The following XKR9 variants were observed in gnomAD, a reference collection of about 807,000 sequenced individuals.
The protein encoded by XKR9 is XK-related protein 9.
Under a neutral mutation model 32.0 loss-of-function variants are expected in XKR9, and 32 were observed. The ratio of observed to expected loss-of-function variants is 1.00; its 90% CI spans 0.76 to 1.34. The LOEUF (loss-of-function observed/expected upper bound fraction) is 1.34, where lower values mean the gene tolerates loss of function less well. XKR9 is among the 40% of genes most tolerant of loss of function. The pLI is 0.00. For synonymous variants in XKR9, 168 were observed against 143.4 expected, an observed-to-expected ratio of 1.17 and a Z score of -1.22; for missense variants, 546 against 429.7, an observed-to-expected ratio of 1.27 and a Z score of -2.39.
At chr8:70,902,630 T>A in the XKR9 span, among the ~76,000 whole-genome samples, 2 of 152,202 alleles carry the variant, frequency 1.3e-5, no homozygotes, top group South Asian at 2.1e-4. Flanking sequence ...TTTGTTTCTT[T>A]CTACTGCCTG....
chr8:70,973,476 T>G, the XKR9 span, among the ~76,000 whole-genome samples: 55 of 152,280 alleles, frequency 3.6e-4, no homozygotes, highest in African/African-American at 1.3e-3. Flanking sequence ...CTGTGATCTT[T>G]GTTATTTTTT....
chr8:70,888,995 T>G, the XKR9 span, among the ~76,000 whole-genome samples: 11 of 152,104 alleles, frequency 7.2e-5, no homozygotes, highest in East Asian at 1.9e-3. Flanking sequence ...ATAATGTTAT[T>G]GGTATTTGCA....
the XKR9 span, among the ~76,000 whole-genome samples, chr8:71,025,257 A>G: frequency 6.6e-6 from 1 of 152,160 alleles, no homozygotes; most frequent in African/African-American, 2.4e-5. Flanking sequence ...CAACTCTCAG[A>G]TAGATAAGAG....
At chr8:70,941,024 A>G in the XKR9 span, among the ~76,000 whole-genome samples, 1 of 152,028 alleles carries the variant, frequency 6.6e-6, no homozygotes, top group Admixed American at 6.6e-5. Context: ...TGGGGTGAAC[A>G]ATTCAGTGGC....
the XKR9 span, among the ~76,000 whole-genome samples, chr8:70,983,028 T>C: frequency 6.6e-6 from 1 of 152,204 alleles, no homozygotes; most frequent in Admixed American, 6.5e-5. Flanking sequence ...AGAGCTACTG[T>C]CACCCCTTCT....
the XKR9 span, among the ~76,000 whole-genome samples, chr8:70,831,383 A>C: frequency 2.6e-5 from 4 of 152,208 alleles, no homozygotes; most frequent in South Asian, 8.3e-4. Context: ...AAGGAAAGGA[A>C]ATAGCATTTG....
intron 4 of XKR9, among the ~76,000 whole-genome samples, chr8:70,728,170 C>G (rs925138434): frequency 9.2e-5 from 14 of 152,114 alleles, no homozygotes; most frequent in African/African-American, 3.4e-4. Flanking sequence ...AGGTTAGAAG[C>G]AAGATGGAGT....
the XKR9 span, among the ~76,000 whole-genome samples, chr8:70,812,748 C>A: frequency 6.6e-6 from 1 of 152,052 alleles, no homozygotes; most frequent in Non-Finnish European, 1.5e-5. Context: ...ATATGAAGGA[C>A]CTCTTCAAGG....
intron 2 of XKR9, among the ~76,000 whole-genome samples, chr8:70,777,779 T>A (rs1472893700): frequency 6.6e-6 from 1 of 152,206 alleles, no homozygotes; most frequent in African/African-American, 2.4e-5. Flanking sequence ...TCTGTTCATA[T>A]CCTTTGCCCA....
the XKR9 span, among the ~76,000 whole-genome samples, chr8:71,033,732 C>A: frequency 3.9e-5 from 6 of 152,136 alleles, no homozygotes; most frequent in Admixed American, 3.3e-4. Context: ...ACCACGTGAT[C>A]TCTTTGTACA....
chr8:70,856,008 A>G, the XKR9 span, among the ~76,000 whole-genome samples: 5 of 152,226 alleles, frequency 3.3e-5, no homozygotes, highest in African/African-American at 1.2e-4. Flanking sequence ...AACTGGTATC[A>G]GCCACTGCAA....
chr8:70,814,967 C>G, the XKR9 span, among the ~76,000 whole-genome samples: 32 of 152,052 alleles, frequency 2.1e-4, 2 homozygotes, highest in Admixed American at 2.0e-3. Context: ...AGTAGAGAAT[C>G]AAATCAAGAA....
At chr8:70,911,552 A>G in the XKR9 span, among the ~76,000 whole-genome samples, 10 of 152,216 alleles carry the variant, frequency 6.6e-5, no homozygotes, top group African/African-American at 2.2e-4. Context: ...TACTTCTCAC[A>G]TATTTCTCTA....
the XKR9 span, among the ~76,000 whole-genome samples, chr8:70,804,722 A>G: frequency 6.6e-6 from 1 of 152,190 alleles, no homozygotes; most frequent in Non-Finnish European, 1.5e-5. Flanking sequence ...TGGATAGCAA[A>G]TTTTGCTGGT....
the XKR9 span, among the ~76,000 whole-genome samples, chr8:71,039,653 T>C: frequency 6.6e-6 from 1 of 152,138 alleles, no homozygotes; most frequent in African/African-American, 2.4e-5. Context: ...CAAACAATGT[T>C]TTTTAGTAGA....
the XKR9 span, among the ~76,000 whole-genome samples, chr8:70,895,312 T>C: frequency 6.6e-6 from 1 of 152,170 alleles, no homozygotes; most frequent in Non-Finnish European, 1.5e-5. Context: ...TCAGATGCAC[T>C]CCAGCACTCT....
At chr8:70,895,480 A>G in the XKR9 span, among the ~76,000 whole-genome samples, 1 of 152,168 alleles carries the variant, frequency 6.6e-6, no homozygotes, top group African/African-American at 2.4e-5. Flanking sequence ...AAATATTTAT[A>G]CAATTTTAAG....
chr8:70,736,292 T>C (rs1415816041), downstream of XKR9, among the ~76,000 whole-genome samples: 1 of 149,034 alleles, frequency 6.7e-6, no homozygotes, highest in East Asian at 1.9e-4. Flanking sequence ...GTTCATGTCC[T>C]TCGCCCACTT....
intron 2 of XKR9, among the ~76,000 whole-genome samples, chr8:70,742,741 C>T (rs961838637): frequency 1.3e-5 from 2 of 151,954 alleles, no homozygotes; most frequent in Admixed American, 1.3e-4. Context: ...TGTCTGGTCT[C>T]CATTGTTTCT....
Sources: allele counts gnomAD v4.1 joint callset (sites outside exome capture counted in the v4.1 genomes callset), GRCh38; gene constraint gnomAD v4.1.1; transcripts MANE v1.5; gene names NCBI Gene and HGNC (gene_info 2026-07-23, HGNC 2026-07-21).